The following KDM4C variants were observed in gnomAD, a reference collection of about 807,000 sequenced individuals.
The protein encoded by KDM4C is lysine-specific demethylase 4C.
KDM4C carries 81 observed loss-of-function variants against 129.3 expected under a neutral mutation model. That is an observed-to-expected ratio of 0.63 (90% CI 0.52 to 0.75). The LOEUF (loss-of-function observed/expected upper bound fraction) is 0.75. Ranked by LOEUF, KDM4C falls within the 30% of genes least tolerant of loss-of-function variation. KDM4C has a pLI of 0.00. For missense variants in KDM4C, 1,457 were observed against 1,304.0 expected (o/e 1.12, Z -1.81); for synonymous variants, 573 against 456.1 (o/e 1.26, Z -3.26).
chr9:6,724,233 G>A (rs1191865221), intron 1 of KDM4C, among the ~76,000 whole-genome samples: 1 of 152,188 alleles, frequency 6.6e-6, no homozygotes, highest in Admixed American at 6.6e-5. Flanking sequence ...ACTGATTGGA[G>A]CCTGTGGCAA....
rs570951759 is a variant in KDM4C, at chr9:6,949,062, G to T, written c.922-31863G>T. On this transcript the variant is annotated intron_variant, in intron 8 of 21. Transcript: ENST00000381309. ...CCTCACTTCCCAGAAGGGGCGGCTG[G>T]GCAGAGGCGCCCCCCATCTCCCGGA... is the stretch of plus-strand genomic sequence containing the variant. Among the ~76,000 whole-genome samples the T allele has an allele frequency of 4.4e-4, 66 of 151,064 alleles. No individual in the cohort carries two copies. The South Asian group carries it at 0.012, about 28-fold the overall frequency.
At chr9:6,983,277 T>C (rs941228438) in intron 9 of KDM4C, among the ~76,000 whole-genome samples, 1 of 152,230 alleles carries the variant, frequency 6.6e-6, no homozygotes, top group Non-Finnish European at 1.5e-5. Context: ...TTTTGGACAC[T>C]GTTGCTTTGA....
intron 4 of KDM4C, among the ~76,000 whole-genome samples, chr9:6,824,702 A>G (rs983842316): frequency 6.6e-6 from 1 of 152,086 alleles, no homozygotes; most frequent in African/African-American, 2.4e-5. Context: ...AGTCCATTAT[A>G]TATCAACATA....
At chr9:6,838,896 A>T (rs149834263) in intron 4 of KDM4C, among the ~76,000 whole-genome samples, 30 of 152,350 alleles carry the variant, frequency 2.0e-4, no homozygotes, top group South Asian at 1.7e-3. Flanking sequence ...TGTAGACCAG[A>T]ACTTTCAATT....
At chr9:7,079,160 C>G (rs1834250082) in intron 17 of KDM4C, among the ~76,000 whole-genome samples, 2 of 152,162 alleles carry the variant, frequency 1.3e-5, no homozygotes, top group Non-Finnish European at 2.9e-5. Flanking sequence ...ACCTTGGAAG[C>G]AGAACTTTCA....
intron 8 of KDM4C, among the ~76,000 whole-genome samples, chr9:6,975,406 T>C (rs1832750389): frequency 6.6e-6 from 1 of 152,164 alleles, no homozygotes; most frequent in Admixed American, 6.5e-5. Flanking sequence ...ATAAAGCATG[T>C]TGTATGTATT....
intron 19 of KDM4C, among the ~76,000 whole-genome samples, chr9:7,151,687 T>C (rs1842743509): frequency 6.6e-6 from 1 of 152,086 alleles, no homozygotes; most frequent in Non-Finnish European, 1.5e-5. Context: ...GTCAAAACTA[T>C]TAAAAAGGGA....
chr9:6,879,060 C>T (rs1218738703), intron 5 of KDM4C, among the ~76,000 whole-genome samples: 3 of 152,116 alleles, frequency 2.0e-5, no homozygotes, highest in African/African-American at 7.2e-5. Flanking sequence ...CATATGTTAT[C>T]AGTAGCATTA....
At chr9:7,119,209 G>A (rs1214139204) in intron 18 of KDM4C, among the ~76,000 whole-genome samples, 2 of 152,016 alleles carry the variant, frequency 1.3e-5, no homozygotes, top group African/African-American at 2.4e-5. Context: ...TTTAGTGACA[G>A]TATATACAAG....
At chr9:7,108,555 T>C (rs1360150708) in intron 18 of KDM4C, among the ~76,000 whole-genome samples, 1 of 152,160 alleles carries the variant, frequency 6.6e-6, no homozygotes, top group Non-Finnish European at 1.5e-5. Context: ...TTTTCCAGCC[T>C]CTGGGTCTTT....
chr9:7,047,794 T>A (rs934218985), intron 16 of KDM4C, among the ~76,000 whole-genome samples: 8 of 151,998 alleles, frequency 5.3e-5, no homozygotes, highest in Non-Finnish European at 1.0e-4. Context: ...AATAACAAGT[T>A]GGGATAGAAC....
At chr9:6,725,259 G>A (rs1402854871) in intron 1 of KDM4C, among the ~76,000 whole-genome samples, 1 of 151,952 alleles carries the variant, frequency 6.6e-6, no homozygotes, top group East Asian at 1.9e-4. Context: ...GATGGTGCAG[G>A]AGGGACGACT....
intron 12 of KDM4C, among the ~76,000 whole-genome samples, chr9:6,995,879 G>C (rs1048085183): frequency 7.9e-5 from 11 of 139,154 alleles, no homozygotes; most frequent in African/African-American, 2.1e-4. Flanking sequence ...CACTGTGTTA[G>C]CCAGGATGGT....
intron 3 of KDM4C, among the ~76,000 whole-genome samples, chr9:6,809,776 A>G (rs1436273786): frequency 6.6e-6 from 1 of 152,182 alleles, no homozygotes; most frequent in East Asian, 1.9e-4. Context: ...AGGTAGGTGG[A>G]ATGCTTGAAC....
In KDM4C at chr9:7,103,659, T is replaced by C. The variant is rs770224504; in HGVS notation, c.2425-26T>C. 6 of 1,583,688 alleles carry C rather than the reference T, an allele frequency of 3.8e-6. No individual in the cohort carries two copies. The East Asian group carries it at 9.0e-5, about 24-fold the overall frequency. On this transcript the variant is annotated intron_variant, in intron 17 of 21. Coordinates refer to ENST00000381309, the MANE Select transcript of KDM4C (RefSeq NM_015061.6). The stretch of plus-strand genomic sequence containing the variant: ...GACTGGGTTACAGAATGTGAATTGA[T>C]GTTCTTCTCTGTTTTAACCTTCCAG...
At chr9:7,052,898 A>AGAGAGAGAGAGAGACAGC (rs1477487723) in intron 17 of KDM4C, among the ~76,000 whole-genome samples, 183 of 47,608 alleles carry the variant, frequency 3.8e-3, no homozygotes, top group Middle Eastern at 0.014. Context: ...AGAGAGAGAG[A>AGAGAGAGAGAGAGACAGC]GAGCGAGCGA....
chr9:6,834,810 T>C, intron 4 of KDM4C: 4 of 1,372,578 alleles, frequency 2.9e-6, no homozygotes, highest in South Asian at 2.3e-5. Context: ...CGCGAGAAGA[T>C]GACCCAGATC....
chr9:7,025,267 G>C (rs1222706663), intron 15 of KDM4C, among the ~76,000 whole-genome samples: 1 of 152,018 alleles, frequency 6.6e-6, no homozygotes, highest in Non-Finnish European at 1.5e-5. Context: ...AGTGAAATGT[G>C]TTTCTTGTAG....
intron 18 of KDM4C, among the ~76,000 whole-genome samples, chr9:7,117,213 G>A (rs1838997848): frequency 6.6e-6 from 1 of 151,868 alleles, no homozygotes; most frequent in African/African-American, 2.4e-5. Context: ...ACTTGGATTT[G>A]TTTACATGGT....
Sources: allele counts gnomAD v4.1 joint callset (sites outside exome capture counted in the v4.1 genomes callset), GRCh38; gene constraint gnomAD v4.1.1; transcripts MANE v1.5; gene names NCBI Gene and HGNC (gene_info 2026-07-23, HGNC 2026-07-21).